TFDP2: variants seen among roughly 807,000 people sequenced by gnomAD.
The protein encoded by TFDP2 is transcription factor Dp-2.
Under a neutral mutation model 59.3 loss-of-function variants are expected in TFDP2, and 17 were observed. The ratio of observed to expected loss-of-function variants is 0.29; its 90% CI spans 0.20 to 0.43. The LOEUF (loss-of-function observed/expected upper bound fraction) is 0.43. Among genes scored for constraint, TFDP2 ranks in the 20% least tolerant of loss-of-function variants. The pLI, the probability that TFDP2 is intolerant of heterozygous loss-of-function variation, is 1.00. For missense variants in TFDP2, 391 were observed against 528.8 expected (o/e 0.74, Z 2.56); for synonymous variants, 180 against 194.7 (o/e 0.92, Z 0.63).
chr3:142,096,214 GTATT>G (rs2061160184), intron 2 of TFDP2, among the ~76,000 whole-genome samples: 1 of 152,094 alleles, frequency 6.6e-6, no homozygotes, highest in Admixed American at 6.6e-5. Flanking sequence ...GGAGGTGTTT[GTATT>G]TAAAGCTTAT....
In TFDP2 at chr3:142,084,997, T is replaced by C. The variant is rs140225733; in HGVS notation, c.82+8064A>G. On this transcript the variant is annotated intron_variant, in intron 3 of 12. Coordinates refer to ENST00000489671, the MANE Select transcript of TFDP2 (RefSeq NM_001178139.2). ...GTGCAGTGGTGTGATCTCAGCTCAA[T>C]GCAACCTCTACCTCTCAGATTCAAG... Among the ~76,000 whole-genome samples, 596 of 152,222 alleles carry C rather than the reference T, an allele frequency of 3.9e-3. 8 individuals are homozygous for C. Among genetic ancestry groups the C allele is most frequent in the African/African-American group, 0.014 (570 of 41,526 alleles).
chr3:142,077,465 T>C (rs1299824079), intron 3 of TFDP2, among the ~76,000 whole-genome samples: 2 of 151,952 alleles, frequency 1.3e-5, no homozygotes, highest in Non-Finnish European at 2.9e-5. Flanking sequence ...AAGAGGACTT[T>C]GTATTGCAAT....
intron 3 of TFDP2, among the ~76,000 whole-genome samples, chr3:142,075,015 C>T (rs2060393222): frequency 6.6e-6 from 1 of 152,086 alleles, no homozygotes; most frequent in East Asian, 1.9e-4. Context: ...TAGATATCCA[C>T]ATGCAAAATA....
At chr3:142,117,281 TCTC>T (rs1169436470) in intron 1 of TFDP2, among the ~76,000 whole-genome samples, 1 of 152,018 alleles carries the variant, frequency 6.6e-6, no homozygotes, top group Non-Finnish European at 1.5e-5. Context: ...TGACTCCAAT[TCTC>T]CTCCTCACCT....
At chr3:142,122,266 G>A (rs1193997871) in intron 1 of TFDP2, among the ~76,000 whole-genome samples, 3 of 152,054 alleles carry the variant, frequency 2.0e-5, no homozygotes, top group African/African-American at 4.8e-5. Context: ...CCCACATAAC[G>A]ATAAATTCAG....
At chr3:142,051,585 T>C (rs537357476) in intron 3 of TFDP2, among the ~76,000 whole-genome samples, 110 of 151,300 alleles carry the variant, frequency 7.3e-4, no homozygotes, top group Non-Finnish European at 1.1e-3. Flanking sequence ...TTGTCCTTCA[T>C]TGAGAACCAC....
intron 10 of TFDP2, among the ~76,000 whole-genome samples, chr3:141,960,301 T>C (rs758781011): frequency 5.3e-5 from 8 of 152,190 alleles, no homozygotes; most frequent in Non-Finnish European, 1.2e-4. Flanking sequence ...AAGCAATAAA[T>C]AGAAGACTTT....
intron 9 of TFDP2, among the ~76,000 whole-genome samples, chr3:141,964,567 GTT>G (rs765500898): frequency 2.0e-4 from 30 of 152,148 alleles, no homozygotes; most frequent in Admixed American, 1.3e-4. Context: ...TGGGAGGATT[GTT>G]TGAATCCAGG....
chr3:142,079,059 A>G (rs2060554101), intron 3 of TFDP2, among the ~76,000 whole-genome samples: 1 of 152,010 alleles, frequency 6.6e-6, no homozygotes, highest in African/African-American at 2.4e-5. Context: ...CAAGCAGAAG[A>G]AAGAATCAGT....
At chr3:142,102,347 G>C (rs558539194) in intron 1 of TFDP2, among the ~76,000 whole-genome samples, 2 of 152,138 alleles carry the variant, frequency 1.3e-5, no homozygotes, top group African/African-American at 2.4e-5. Flanking sequence ...CCTACAGCTG[G>C]ACAATTTTCA....
At chr3:142,023,105 T>C (rs1221763001) in intron 3 of TFDP2, among the ~76,000 whole-genome samples, 1 of 113,554 alleles carries the variant, frequency 8.8e-6, no homozygotes, top group Non-Finnish European at 1.6e-5. Flanking sequence ...GGCAACGCAG[T>C]GAGACTCCCT....
At chr3:141,977,132 C>T (rs866387043) in intron 7 of TFDP2, among the ~76,000 whole-genome samples, 5,874 of 115,732 alleles carry the variant, frequency 0.051, 303 homozygotes, top group Non-Finnish European at 0.076. Flanking sequence ...TTTTTTTCCC[C>T]CCAAAGAGAC....
chr3:142,000,571 TCA>T (rs1033096487), intron 4 of TFDP2, among the ~76,000 whole-genome samples: 2 of 152,174 alleles, frequency 1.3e-5, no homozygotes, highest in African/African-American at 4.8e-5. Context: ...CATGTCTATT[TCA>T]CAGGCAAAAT....
At chr3:141,971,848 T>C (rs944269369) in intron 8 of TFDP2, among the ~76,000 whole-genome samples, 4 of 152,244 alleles carry the variant, frequency 2.6e-5, no homozygotes, top group Non-Finnish European at 5.9e-5. Flanking sequence ...GCTGCTTCTC[T>C]ATCTTTAAAA....
intron 1 of TFDP2, among the ~76,000 whole-genome samples, chr3:142,119,117 C>T (rs533538550): frequency 1.2e-3 from 190 of 152,028 alleles, no homozygotes; most frequent in African/African-American, 4.4e-3. Context: ...GCCAAGATTG[C>T]GCCACTGTAC....
chr3:142,131,963 T>G (rs7616096), intron 1 of TFDP2, among the ~76,000 whole-genome samples: 135,601 of 142,576 alleles, frequency 0.95, 64,608 homozygotes, highest in East Asian at 1. Flanking sequence ...CCAAAATCGC[T>G]TCATTGCACT....
rs2062066923 is a variant in TFDP2, at chr3:142,122,053, C to T, written c.-92-20212G>A. ...CACACTATGAGGATTCTCTTAAACC[C>T]TACTTTGGTAGGAAGTCAGCATAAA... On this transcript the variant is annotated intron_variant, in intron 1 of 12. Transcript: ENST00000489671. 2.0e-5 allele frequency among the ~76,000 whole-genome samples: 3 copies of T among 152,250 alleles called. 1 individual carries two copies. The South Asian group carries it at 6.2e-4, about 32-fold the overall frequency.
chr3:141,944,728 T>C lies in TFDP2; in HGVS notation c.*7785A>G, dbSNP rs58062138. 1 of 152,332 alleles carries C rather than the reference T, an allele frequency of 6.6e-6. No homozygotes were observed. Among genetic ancestry groups the C allele is most frequent in the African/African-American group, 2.4e-5 (1 of 41,570 alleles). The allele number at this position is 152,332 out of a possible 1,614,324, so 9.4% of individuals were successfully genotyped here. On this transcript the variant is annotated 3_prime_UTR_variant, in exon 13 of 13. Coordinates refer to ENST00000489671, the MANE Select transcript of TFDP2 (RefSeq NM_001178139.2). The stretch of plus-strand genomic sequence containing the variant: ...CAGGCAGGCCTGGAACCACCCTTAG[T>C]GGAACACTGCTTAGGACTTGTCTGT...
At chr3:142,024,629 C>A (rs530439781) in intron 3 of TFDP2, among the ~76,000 whole-genome samples, 1 of 152,132 alleles carries the variant, frequency 6.6e-6, no homozygotes, top group Non-Finnish European at 1.5e-5. Context: ...AGGTAAGGCT[C>A]AGGTTCCTCT....
Sources: gnomAD v4.1 joint callset for allele counts (sites outside exome capture counted in the v4.1 genomes callset) on GRCh38, gnomAD v4.1.1 for gene constraint, MANE v1.5 for transcripts, NCBI Gene and HGNC (gene_info 2026-07-23, HGNC 2026-07-21) for gene names.